The following ACSL3 variants were observed in gnomAD, a reference collection of about 807,000 sequenced individuals.
ACSL3 encodes the protein fatty acid CoA ligase Acsl3.
ACSL3 carries 34 observed loss-of-function variants against 84.7 expected under a neutral mutation model. That is an observed-to-expected ratio of 0.40 (90% CI 0.31 to 0.53). ACSL3 has a LOEUF of 0.53. Ranked by LOEUF, ACSL3 falls within the 20% of genes least tolerant of loss-of-function variation. The probability of loss-of-function intolerance (pLI) is 0.48; values close to 1 mark genes in which losing one functional copy is unlikely to be tolerated. For synonymous variants in ACSL3, 315 were observed against 299.4 expected (o/e 1.05, Z -0.54); for missense variants, 680 against 873.1 (o/e 0.78, Z 2.79).
chr2:222,933,090 G>A (rs1697071598), intron 14 of ACSL3, 76 bp from the exon 15 acceptor site: 2 of 826,316 alleles, frequency 2.4e-6, no homozygotes, highest in Admixed American at 2.5e-5. Context: ...AGAATGGCCA[G>A]TATTTATATA....
At chr2:222,885,707 G>C (rs1030645350) in intron 1 of ACSL3, among the ~76,000 whole-genome samples, 1 of 152,150 alleles carries the variant, frequency 6.6e-6, no homozygotes, top group African/African-American at 2.4e-5. Flanking sequence ...ATAAGAAACA[G>C]CAGGGATTTT....
Position 222,921,353 on chromosome 2 carries a change from T to G in ACSL3, c.879T>G (p.Leu293=). ...VIMYTSGSTG[L]PKGVMISHSN... Reference sequence around the variant, plus strand: ...TGTACACAAGTGGATCCACAGGACTTCCAAAGGGAGTCATGATCTCACATA... The same window carrying G: ...TGTACACAAGTGGATCCACAGGACTGCCAAAGGGAGTCATGATCTCACATA... Residue 293 remains leucine (L), a synonymous_variant, in exon 8 of 17, where the codon CTT becomes CTG. Coordinates refer to ENST00000357430, the MANE Select transcript of ACSL3 (RefSeq NM_004457.5). 6.2e-7 allele frequency: 1 copy of G among 1,604,388 alleles called. No homozygotes were observed. Among genetic ancestry groups the G allele is most frequent in the Non-Finnish European group, 8.5e-7 (1 of 1,171,862 alleles).
rs145175721 is a variant in ACSL3 at position 222,933,399 on chromosome 2, T to C, written c.1847+119T>C. ...GAGAACTCTTCCTATCTGTTACTTG[T>C]GGGAATGGCCTCCTTCTCATTGCAG... is the stretch of plus-strand genomic sequence containing the variant. On this transcript the variant is annotated intron_variant, in intron 15 of 16. Transcript: ENST00000357430. 416 of 658,088 alleles carry C rather than the reference T, an allele frequency of 6.3e-4. 5 individuals are homozygous for C. The African/African-American group carries it at 7.0e-3, about 11-fold the overall frequency. 40.8% of individuals were successfully genotyped at this position (658,088 alleles called of 1,614,324 possible).
In ACSL3 at chr2:222,915,534, G is replaced by A. The variant is rs573618950; in HGVS notation, c.379-785G>A. 1.3e-4 allele frequency among the ~76,000 whole-genome samples: 19 copies of A among 149,816 alleles called. No individual in the cohort carries two copies. In the East Asian group the frequency reaches 1.7e-3, roughly 14 times the overall value. On this transcript the variant is annotated intron_variant, in intron 4 of 16. Transcript: ENST00000357430. ...GAGAGAGGAGCTTTTTATACAGTCC[G>A]TATGTAATTAGGGATTTATGGTTTT...
At chr2:222,874,927 T>G (rs35191505) in intron 1 of ACSL3, among the ~76,000 whole-genome samples, 14,208 of 151,402 alleles carry the variant, frequency 0.094, 1,069 homozygotes, top group African/African-American at 0.2. Context: ...GGCAACATAG[T>G]GATAACCCGT....
At chr2:222,926,090 G>A (rs1303958990) in intron 11 of ACSL3, among the ~76,000 whole-genome samples, 1 of 152,010 alleles carries the variant, frequency 6.6e-6, no homozygotes, top group African/African-American at 2.4e-5. Flanking sequence ...AACCAACCGT[G>A]GATCAAAAGT....
intron 1 of ACSL3, among the ~76,000 whole-genome samples, chr2:222,869,333 G>T (rs1218410095): frequency 6.6e-6 from 1 of 152,108 alleles, no homozygotes; most frequent in South Asian, 2.1e-4. Flanking sequence ...TATGTTAGTT[G>T]CTTCCTTCAT....
At chr2:222,866,207 A>G (rs551541903) in intron 1 of ACSL3, among the ~76,000 whole-genome samples, 9 of 151,742 alleles carry the variant, frequency 5.9e-5, no homozygotes, top group Non-Finnish European at 1.0e-4. Flanking sequence ...GTGCAGTGGC[A>G]TGATCTCGGC....
chr2:222,890,737 A>G (rs1232384976), intron 2 of ACSL3, among the ~76,000 whole-genome samples: 2 of 151,644 alleles, frequency 1.3e-5, no homozygotes, highest in Non-Finnish European at 2.9e-5. Flanking sequence ...TGCCTCCCAG[A>G]CTCTGGTGAT....
At chr2:222,879,912 T>C (rs1163620247) in intron 1 of ACSL3, among the ~76,000 whole-genome samples, 1 of 151,442 alleles carries the variant, frequency 6.6e-6, no homozygotes, top group African/African-American at 2.4e-5. Flanking sequence ...TTTTTTTTTC[T>C]ATTTATGGAA....
rs533908786 is a variant in ACSL3, at chr2:222,942,369, G to T, written c.*715G>T. ...TAGTAAGGGAGATAACACAGCATGT[G>T]TAGCACCAGTTGATAATTGGTCTCT... On this transcript the variant is annotated 3_prime_UTR_variant, in exon 17 of 17. Transcript: ENST00000357430. 5.2e-6 allele frequency: 1 copy of T among 191,300 alleles called. No homozygotes were observed. The highest frequency in any genetic ancestry group is 1.9e-4 in the South Asian group (1 of 5,146). The allele number at this position is 191,300 out of a possible 1,614,324, so 11.9% of individuals were successfully genotyped here. A position where few individuals can be genotyped will look rare whatever the true frequency, so the allele number is the denominator to read the frequency against.
At chr2:222,907,621 T>C (rs1696325898) in intron 3 of ACSL3, among the ~76,000 whole-genome samples, 2 of 152,034 alleles carry the variant, frequency 1.3e-5, no homozygotes, top group African/African-American at 2.4e-5. Flanking sequence ...AAAAATTAGC[T>C]GAGTGTGGTC....
Position 222,925,693 on chromosome 2 carries a change from C to T in ACSL3, c.1292+1098C>T, listed in dbSNP as rs185515345. 2.0e-5 allele frequency among the ~76,000 whole-genome samples: 3 copies of T among 152,196 alleles called. No homozygotes were observed. The East Asian group carries it at 5.8e-4, about 29-fold the overall frequency. On this transcript the variant is annotated intron_variant, in intron 11 of 16. Coordinates refer to ENST00000357430, the MANE Select transcript of ACSL3 (RefSeq NM_004457.5). ...AAGTGTGTTTTCACTTAAGATTTTG[C>T]TATTTGTGAGTTTATATTTTCTGTG...
At chr2:222,895,470 C>CTTTT (rs1164470428) in intron 2 of ACSL3, among the ~76,000 whole-genome samples, 20 of 15,602 alleles carry the variant, frequency 1.3e-3, no homozygotes, top group Non-Finnish European at 1.8e-3. Context: ...TTACTTTGTT[C>CTTTT]TTTTTTTTTT....
intron 2 of ACSL3, among the ~76,000 whole-genome samples, chr2:222,893,162 AG>A (rs747884002): frequency 9.9e-5 from 15 of 152,182 alleles, no homozygotes; most frequent in South Asian, 2.1e-4. Flanking sequence ...TGGCATATCA[AG>A]ATGCACCGTC....
chr2:222,923,803 AT>A (rs1696803103), intron 10 of ACSL3, among the ~76,000 whole-genome samples: 1 of 98,558 alleles, frequency 1.0e-5, no homozygotes, highest in African/African-American at 4.1e-5. Flanking sequence ...GTTTCTTTCT[AT>A]AATTATAGTT....
At chr2:222,926,825 A>G (rs780024290) in intron 11 of ACSL3, among the ~76,000 whole-genome samples, 192 bp from the exon 12 acceptor site, 1 of 152,172 alleles carries the variant, frequency 6.6e-6, no homozygotes, top group South Asian at 2.1e-4. Context: ...AGGAAATAAT[A>G]AATTCTTTAC....
intron 1 of ACSL3, among the ~76,000 whole-genome samples, chr2:222,885,419 ACT>A (rs1302366671): frequency 6.6e-6 from 1 of 152,184 alleles, no homozygotes; most frequent in African/African-American, 2.4e-5. Flanking sequence ...AGGAAATGAT[ACT>A]GTTTTAATTT....
rs534164745 is a variant in ACSL3, at chr2:222,935,717, T to G, written c.2005+1030T>G. The stretch of plus-strand genomic sequence containing the variant: ...TTACAGGTTAGAGTTAATACATCTT[T>G]TTTTACTCCCAAGGCACTTTATGTC... On this transcript the variant is annotated intron_variant, in intron 16 of 16. Coordinates refer to ENST00000357430, the MANE Select transcript of ACSL3 (RefSeq NM_004457.5). 6.6e-5 allele frequency among the ~76,000 whole-genome samples: 10 copies of G among 152,366 alleles called. No individual in the cohort carries two copies. The East Asian group carries it at 1.9e-3, about 29-fold the overall frequency.
Sources: gnomAD v4.1 joint callset for allele counts (sites outside exome capture counted in the v4.1 genomes callset) on GRCh38, gnomAD v4.1.1 for gene constraint, MANE v1.5 for transcripts, NCBI Gene and HGNC (gene_info 2026-07-23, HGNC 2026-07-21) for gene names.